Variants in UNC13C observed in about 807,000 individuals in gnomAD.
The protein encoded by UNC13C is protein unc-13 homolog C.
UNC13C carries 174 observed loss-of-function variants against 245.4 expected under a neutral mutation model. The ratio of observed to expected loss-of-function variants is 0.71; its 90% CI spans 0.63 to 0.80. The LOEUF (loss-of-function observed/expected upper bound fraction) is 0.80. Ranked by LOEUF, UNC13C falls within the 30% of genes least tolerant of loss-of-function variation. The pLI, the probability that UNC13C is intolerant of heterozygous loss-of-function variation, is 0.00. For synonymous variants in UNC13C, 992 were observed against 895.1 expected, an observed-to-expected ratio of 1.11 and a Z score of -1.93; for missense variants, 2,829 against 2,602.9, an observed-to-expected ratio of 1.09 and a Z score of -1.89.
At chr15:54,458,163 G>T (rs537261924) in intron 19 of UNC13C, among the ~76,000 whole-genome samples, 1 of 152,026 alleles carries the variant, frequency 6.6e-6, no homozygotes, top group South Asian at 2.1e-4. Flanking sequence ...ATTCGGGGCA[G>T]ATTATTTAAT....
chr15:54,076,965 A>G (rs962476771), intron 2 of UNC13C, among the ~76,000 whole-genome samples: 20 of 152,202 alleles, frequency 1.3e-4, no homozygotes, highest in Non-Finnish European at 2.8e-4. Flanking sequence ...TAATCTGTGG[A>G]ATGGTATTTT....
At chr15:54,023,812 T>G (rs1051440148) in intron 2 of UNC13C, among the ~76,000 whole-genome samples, 1 of 152,186 alleles carries the variant, frequency 6.6e-6, no homozygotes, top group Non-Finnish European at 1.5e-5. Flanking sequence ...CAGGTTGTAC[T>G]AGGAATGTTG....
chr15:54,555,405 A>G, intron 28 of UNC13C, 27 bp from the exon 29 acceptor site: 4 of 1,603,564 alleles, frequency 2.5e-6, no homozygotes, highest in Non-Finnish European at 3.4e-6. Context: ...TGGTTGTTTT[A>G]TAAGCAATTC....
At chr15:54,145,454 T>C (rs2032213300) in intron 4 of UNC13C, among the ~76,000 whole-genome samples, 2 of 152,190 alleles carry the variant, frequency 1.3e-5, no homozygotes, top group Admixed American at 1.3e-4. Flanking sequence ...GTCCTTGAAA[T>C]ATATGAAGAA....
At chr15:53,841,697 G>A in the UNC13C span, among the ~76,000 whole-genome samples, 1 of 152,116 alleles carries the variant, frequency 6.6e-6, no homozygotes, top group Admixed American at 6.6e-5. Context: ...ACATAGATCT[G>A]TAGTTGTATT....
rs1251495049 is a variant in UNC13C, at chr15:54,235,049, G to A, written c.3091G>A (p.Gly1031Ser). Residue 1031 changes from glycine (G) to serine (S), a missense_variant, in exon 5 of 33, where the codon GGT becomes AGT. By Grantham distance (56) the Gly-to-Ser change is moderately conservative. Transcript: ENST00000260323. ...VCGGAGGGLY[G>S]IDSMPDLRRK... ...TTTCAGGGCTGGAGGTGGACTTTAT[G>A]GTATTGACAGCATGCCGGATCTTCG... is the stretch of plus-strand genomic sequence containing the variant. 22 of 1,613,830 alleles carry A rather than the reference G, an allele frequency of 1.4e-5. No homozygotes were observed. Among genetic ancestry groups the A allele is most frequent in the Non-Finnish European group, 1.9e-5 (22 of 1,179,824 alleles).
intron 19 of UNC13C, among the ~76,000 whole-genome samples, chr15:54,419,364 A>C (rs1210430109): frequency 1.3e-5 from 2 of 152,154 alleles, no homozygotes; most frequent in African/African-American, 4.8e-5. Flanking sequence ...CTTGTAGTAT[A>C]GGCAAATCTA....
At chr15:54,085,199 T>C (rs1024486021) in intron 2 of UNC13C, among the ~76,000 whole-genome samples, 2 of 152,182 alleles carry the variant, frequency 1.3e-5, no homozygotes, top group African/African-American at 2.4e-5. Flanking sequence ...TAGAGAGTTA[T>C]AGGGCTAAGA....
chr15:53,940,026 G>A, the UNC13C span, among the ~76,000 whole-genome samples: 11 of 152,250 alleles, frequency 7.2e-5, no homozygotes, highest in East Asian at 2.1e-3. Context: ...AGAGGAGGGA[G>A]TAGGTAAAGT....
chr15:54,525,945 C>T (rs1566888404), intron 25 of UNC13C, among the ~76,000 whole-genome samples: 1 of 152,084 alleles, frequency 6.6e-6, no homozygotes, highest in Non-Finnish European at 1.5e-5. Flanking sequence ...ATATGCAGTT[C>T]TAGTGTTTAG....
intron 28 of UNC13C, among the ~76,000 whole-genome samples, chr15:54,554,838 C>T (rs942872555): frequency 1.3e-5 from 2 of 151,724 alleles, no homozygotes; most frequent in Non-Finnish European, 2.9e-5. Flanking sequence ...CAGTGAACAA[C>T]GAAGAAATTC....
chr15:54,528,182 C>T (rs1895561561), intron 25 of UNC13C, among the ~76,000 whole-genome samples: 1 of 152,186 alleles, frequency 6.6e-6, no homozygotes, highest in Admixed American at 6.6e-5. Flanking sequence ...GACATGCTCA[C>T]AGGGCACCTA....
intron 19 of UNC13C, among the ~76,000 whole-genome samples, chr15:54,444,086 A>T (rs1890674253): frequency 6.6e-6 from 1 of 151,948 alleles, no homozygotes; most frequent in Non-Finnish European, 1.5e-5. Context: ...CAGTATGGTT[A>T]CATATATATT....
the UNC13C span, among the ~76,000 whole-genome samples, chr15:53,858,209 A>G: frequency 3.3e-5 from 5 of 152,322 alleles, no homozygotes; most frequent in South Asian, 2.1e-4. Context: ...TTGGAACTCT[A>G]TAACATTTAC....
chr15:54,060,730 A>G (rs547152584), intron 2 of UNC13C, among the ~76,000 whole-genome samples: 7 of 152,302 alleles, frequency 4.6e-5, no homozygotes, highest in South Asian at 2.1e-4. Flanking sequence ...AATGTCCAAC[A>G]GTGATAGACT....
chr15:54,100,334 G>A (rs1441675255), intron 2 of UNC13C, among the ~76,000 whole-genome samples: 1 of 152,024 alleles, frequency 6.6e-6, no homozygotes, highest in African/African-American at 2.4e-5. Flanking sequence ...CATTTTCACA[G>A]CATAACTGGT....
intron 17 of UNC13C, among the ~76,000 whole-genome samples, chr15:54,342,397 T>G (rs1463436353): frequency 6.6e-6 from 1 of 152,158 alleles, no homozygotes; most frequent in Non-Finnish European, 1.5e-5. Context: ...AGACCCTATC[T>G]CTACAATTTT....
chr15:54,081,160 T>C lies in UNC13C; in HGVS notation c.2984-61858T>C, dbSNP rs78582431. Among the ~76,000 whole-genome samples the C allele has an allele frequency of 1.2e-3, 190 of 152,188 alleles. 4 individuals are homozygous for C. In the South Asian group the frequency reaches 0.028, roughly 23 times the overall value. ...TTAATTTTTAAATTTTGTTTTGTGGTCTGATAATATGCTTGATATGATTTT... is the reference window on the plus strand; with the variant it reads ...TTAATTTTTAAATTTTGTTTTGTGGCCTGATAATATGCTTGATATGATTTT... On this transcript the variant is annotated intron_variant, in intron 2 of 32. Transcript: ENST00000260323.
chr15:53,926,440 G>T, the UNC13C span, among the ~76,000 whole-genome samples: 1 of 152,128 alleles, frequency 6.6e-6, no homozygotes, highest in Non-Finnish European at 1.5e-5. Flanking sequence ...AGTGTTCTAT[G>T]TATATTAAGG....
Sources: gnomAD v4.1 joint callset for allele counts (sites outside exome capture counted in the v4.1 genomes callset) on GRCh38, gnomAD v4.1.1 for gene constraint, MANE v1.5 for transcripts, NCBI Gene and HGNC (gene_info 2026-07-23, HGNC 2026-07-21) for gene names.